SNTG2: variants seen among roughly 807,000 people sequenced by gnomAD.
The protein encoded by SNTG2 is gamma-2-syntrophin.
In SNTG2, 74 loss-of-function variants were observed where a neutral mutation model predicts 70.9. That is an observed-to-expected ratio of 1.04 (90% CI 0.86 to 1.27). The LOEUF (loss-of-function observed/expected upper bound fraction) is 1.27, where lower values mean the gene tolerates loss of function less well. SNTG2 is among the 50% of genes most tolerant of loss of function. The pLI is 0.00. For synonymous variants in SNTG2, 278 were observed against 273.8 expected, an observed-to-expected ratio of 1.02 and a Z score of -0.15; for missense variants, 717 against 690.7, an observed-to-expected ratio of 1.04 and a Z score of -0.43.
At chr2:1,161,243 A>G (rs1019393841) in intron 6 of SNTG2, 5 of 152,138 alleles carry the variant, frequency 3.3e-5, no homozygotes, top group African/African-American at 1.2e-4. Flanking sequence ...TGATTGCACC[A>G]CTGCCTTCCA....
intron 1 of SNTG2, among the ~76,000 whole-genome samples, chr2:1,026,435 A>G (rs1482073597): frequency 6.6e-6 from 1 of 152,242 alleles, no homozygotes; most frequent in East Asian, 1.9e-4. Flanking sequence ...CAGTACAGGG[A>G]CTTAGCCCTC....
At chr2:981,641 G>A (rs1365102886) in intron 1 of SNTG2, among the ~76,000 whole-genome samples, 4 of 152,018 alleles carry the variant, frequency 2.6e-5, no homozygotes, top group Non-Finnish European at 2.9e-5. Context: ...GTGCACAGAC[G>A]TGTGCTCATA....
At chr2:1,203,525 G>A (rs28585033) in intron 8 of SNTG2, among the ~76,000 whole-genome samples, 49,248 of 151,050 alleles carry the variant, frequency 0.33, 8,559 homozygotes, top group East Asian at 0.65. Context: ...ATGGTGGTGC[G>A]TATCTGTAAT....
rs1671246932 is a variant in SNTG2, at chr2:1,173,236, C to T, written c.591+53C>T. The T allele has an allele frequency of 3.4e-6, 5 of 1,459,658 alleles. No individual in the cohort carries two copies. In the South Asian group the frequency reaches 5.7e-5, roughly 17 times the overall value. The allele number at this position is 1,459,658 out of a possible 1,614,324, so 90.4% of individuals were successfully genotyped here. ...TATTTTAACAGAAATATCAGTAGCC[C>T]AGAGATAATCTCTAGACAGAATTAA... is the stretch of plus-strand genomic sequence containing the variant. On this transcript the variant is annotated intron_variant, in intron 8 of 16. Transcript: ENST00000308624.
Position 1,222,117 on chromosome 2 carries a change from C to CTCTCTCTGTCTCTGTCTCTCTCTG in SNTG2, c.719+12900_719+12901insGTCTCTCTCTGTCTCTCTGTCTCT, listed in dbSNP as rs1572775646. Reference sequence around the variant, plus strand: ...TCTGTCTCTCTCTGTCTCTCTCTGTCTCTCTCTGTCTCTCTCTGTCTCTCT... The same window carrying CTCTCTCTGTCTCTGTCTCTCTCTG: ...TCTGTCTCTCTCTGTCTCTCTCTGTCTCTCTCTGTCTCTGTCTCTCTCTGTCTCTCTGTCTCTCTCTGTCTCTCT... On this transcript the variant is annotated intron_variant, in intron 9 of 16. Coordinates refer to ENST00000308624, the MANE Select transcript of SNTG2 (RefSeq NM_018968.4). 8.0e-5 allele frequency among the ~76,000 whole-genome samples: 3 copies of CTCTCTCTGTCTCTGTCTCTCTCTG among 37,452 alleles called. 1 individual carries two copies. Among genetic ancestry groups the CTCTCTCTGTCTCTGTCTCTCTCTG allele is most frequent in the African/African-American group, 2.5e-4 (3 of 12,224 alleles). The allele number at this position is 37,452 out of a possible 152,430, so 24.6% of individuals were successfully genotyped here.
intron 1 of SNTG2, among the ~76,000 whole-genome samples, chr2:951,899 G>T (rs1659981999): frequency 6.6e-6 from 1 of 152,126 alleles, no homozygotes; most frequent in Non-Finnish European, 1.5e-5. Flanking sequence ...CCCAGTCCCA[G>T]GAGCGACCAG....
At chr2:1,231,786 G>A (rs1275832204) in intron 9 of SNTG2, among the ~76,000 whole-genome samples, 3 of 152,154 alleles carry the variant, frequency 2.0e-5, no homozygotes, top group Non-Finnish European at 2.9e-5. Context: ...CCCAGGTGCT[G>A]GAATCCTGCT....
intron 2 of SNTG2, 133 bp from the exon 3 acceptor site, chr2:1,098,063 C>A: frequency 1.1e-6 from 1 of 930,658 alleles, no homozygotes; most frequent in South Asian, 1.4e-5. Flanking sequence ...TCATTACTGT[C>A]ATATTTAGCC....
At chr2:1,246,739 T>G (rs1572855397) in intron 11 of SNTG2, among the ~76,000 whole-genome samples, 1 of 152,150 alleles carries the variant, frequency 6.6e-6, no homozygotes, top group Admixed American at 6.5e-5. Flanking sequence ...TAGATTGAAT[T>G]CACTGAATTC....
At chr2:1,126,627 C>G (rs896992631) in intron 4 of SNTG2, among the ~76,000 whole-genome samples, 4 of 152,160 alleles carry the variant, frequency 2.6e-5, no homozygotes, top group Non-Finnish European at 5.9e-5. Context: ...TGCACCCTCA[C>G]CAACATTTGT....
At chr2:1,281,233 G>T (rs1679504355) in intron 14 of SNTG2, among the ~76,000 whole-genome samples, 1 of 4,286 alleles carries the variant, frequency 2.3e-4, no homozygotes, top group Non-Finnish European at 5.1e-4. Context: ...GTGTTTATGT[G>T]GTGTGGTGTG....
chr2:1,340,524 G>A (rs553018659), intron 16 of SNTG2, among the ~76,000 whole-genome samples: 6 of 152,224 alleles, frequency 3.9e-5, no homozygotes, highest in African/African-American at 1.2e-4. Context: ...TGAAAATGGC[G>A]TCTCTCCAAA....
intron 7 of SNTG2, among the ~76,000 whole-genome samples, chr2:1,169,131 T>G (rs1670952690): frequency 6.6e-6 from 1 of 152,058 alleles, no homozygotes; most frequent in Non-Finnish European, 1.5e-5. Flanking sequence ...GTCTGCAGAT[T>G]CTGCAGCAGC....
chr2:1,249,784 C>T (rs1040052353), intron 12 of SNTG2, among the ~76,000 whole-genome samples: 23 of 152,110 alleles, frequency 1.5e-4, no homozygotes, highest in Non-Finnish European at 2.9e-4. Flanking sequence ...TTCTTCATAC[C>T]TGCTGTGGGT....
chr2:1,263,696 CG>C (rs1031865053), intron 13 of SNTG2, among the ~76,000 whole-genome samples: 47 of 152,192 alleles, frequency 3.1e-4, no homozygotes, highest in African/African-American at 1.0e-3. Context: ...TGCCTTAGGA[CG>C]TGTGTCTTTA....
intron 14 of SNTG2, among the ~76,000 whole-genome samples, chr2:1,294,676 T>C (rs1449988652): frequency 1.3e-5 from 2 of 152,214 alleles, no homozygotes; most frequent in East Asian, 3.9e-4. Flanking sequence ...CCAAACCACA[T>C]GGACACAAGC....
At chr2:1,065,214 A>G (rs932681928) in intron 1 of SNTG2, among the ~76,000 whole-genome samples, 1 of 152,100 alleles carries the variant, frequency 6.6e-6, no homozygotes, top group Non-Finnish European at 1.5e-5. Context: ...CTTACCAGGC[A>G]CTGTGCTCTG....
At chr2:1,356,729 G>T (rs570107453) in intron 16 of SNTG2, among the ~76,000 whole-genome samples, 5 of 152,228 alleles carry the variant, frequency 3.3e-5, no homozygotes, top group African/African-American at 9.6e-5. Flanking sequence ...TTTGATGGAT[G>T]TTGCATTGAA....
chr2:1,123,457 A>C (rs1667507745), intron 4 of SNTG2, among the ~76,000 whole-genome samples: 1 of 152,204 alleles, frequency 6.6e-6, no homozygotes, highest in African/African-American at 2.4e-5. Context: ...TACAATGGAG[A>C]ATGTATAGTC....
Sources: gnomAD v4.1 joint callset for allele counts (sites outside exome capture counted in the v4.1 genomes callset) on GRCh38, gnomAD v4.1.1 for gene constraint, MANE v1.5 for transcripts, NCBI Gene and HGNC (gene_info 2026-07-23, HGNC 2026-07-21) for gene names.